JARID2: variants seen among roughly 807,000 people sequenced by gnomAD.
JARID2 encodes the protein protein Jumonji.
In JARID2, 21 loss-of-function variants were observed where a neutral mutation model predicts 125.6. That is an observed-to-expected ratio of 0.17 (90% confidence interval 0.12 to 0.24). JARID2 has a LOEUF of 0.24. Among genes scored for constraint, JARID2 ranks in the 10% least tolerant of loss-of-function variants. JARID2 has a pLI of 1.00. For synonymous variants in JARID2, 736 were observed against 661.6 expected, an observed-to-expected ratio of 1.11 and a Z score of -1.73; for missense variants, 1,303 against 1,639.6, an observed-to-expected ratio of 0.79 and a Z score of 3.55.
chr6:15,433,459 C>G (rs898686695), intron 3 of JARID2, among the ~76,000 whole-genome samples: 8 of 107,652 alleles, frequency 7.4e-5, no homozygotes, highest in Non-Finnish European at 1.6e-4. Context: ...TGTATAATTT[C>G]AGTTTAGGCA....
chr6:15,449,210 A>G (rs4712251), intron 3 of JARID2, among the ~76,000 whole-genome samples: 38,294 of 152,066 alleles, frequency 0.25, 4,961 homozygotes, highest in Middle Eastern at 0.35. Flanking sequence ...TCCCCATGAC[A>G]TAGAGATAGT....
At chr6:15,480,551 C>T (rs1769561112) in intron 5 of JARID2, among the ~76,000 whole-genome samples, 1 of 152,138 alleles carries the variant, frequency 6.6e-6, no homozygotes, top group African/African-American at 2.4e-5. Context: ...CGCTTGGAGA[C>T]AGGTAAAAGT....
intron 3 of JARID2, among the ~76,000 whole-genome samples, chr6:15,423,219 C>T (rs541804204): frequency 2.0e-5 from 3 of 152,120 alleles, no homozygotes; most frequent in East Asian, 3.9e-4. Flanking sequence ...AGGCTGGTCT[C>T]GAACTCCTGG....
At chr6:15,469,185 C>A (rs1315526361) in intron 5 of JARID2, among the ~76,000 whole-genome samples, 1 of 151,574 alleles carries the variant, frequency 6.6e-6, no homozygotes, top group East Asian at 1.9e-4. Context: ...AAGGCAGGAA[C>A]AATAGCTTGA....
chr6:15,279,673 G>A (rs902303155), intron 1 of JARID2, among the ~76,000 whole-genome samples: 2 of 152,068 alleles, frequency 1.3e-5, no homozygotes, highest in African/African-American at 4.8e-5. Context: ...TTATTAATTT[G>A]TACTTGTGTT....
At chr6:15,269,485 C>T (rs2127349475) in intron 1 of JARID2, among the ~76,000 whole-genome samples, 1 of 152,172 alleles carries the variant, frequency 6.6e-6, no homozygotes, top group South Asian at 2.1e-4. Context: ...CCTTCCCTGC[C>T]CCACCCCCTA....
intron 1 of JARID2, among the ~76,000 whole-genome samples, chr6:15,285,956 C>G (rs567541556): frequency 6.6e-5 from 10 of 152,316 alleles, no homozygotes; most frequent in African/African-American, 1.9e-4. Context: ...CCTGCAATTT[C>G]TGATGTATAA....
intron 1 of JARID2, among the ~76,000 whole-genome samples, chr6:15,253,170 T>G (rs1759522534): frequency 1.3e-5 from 2 of 152,008 alleles, no homozygotes; most frequent in Admixed American, 6.6e-5. Flanking sequence ...TTCAAGCTAT[T>G]CTCCCGCCTC....
intron 3 of JARID2, among the ~76,000 whole-genome samples, chr6:15,433,852 T>A (rs998693870): frequency 6.6e-6 from 1 of 152,064 alleles, no homozygotes; most frequent in Non-Finnish European, 1.5e-5. Context: ...TAATGCAATA[T>A]CCATCATACC....
At chr6:15,432,119 A>G (rs889425013) in intron 3 of JARID2, among the ~76,000 whole-genome samples, 1 of 151,640 alleles carries the variant, frequency 6.6e-6, no homozygotes, top group Non-Finnish European at 1.5e-5. Flanking sequence ...AAAAACACAG[A>G]TTTATTGAAA....
intron 2 of JARID2, among the ~76,000 whole-genome samples, chr6:15,404,529 A>G (rs1230350478): frequency 3.2e-3 from 82 of 25,286 alleles, no homozygotes; most frequent in Admixed American, 3.0e-3. Flanking sequence ...GCACACACAC[A>G]CACACACACA....
At chr6:15,256,709 C>G (rs1193573490) in intron 1 of JARID2, among the ~76,000 whole-genome samples, 1 of 152,182 alleles carries the variant, frequency 6.6e-6, no homozygotes, top group Non-Finnish European at 1.5e-5. Context: ...CCTGTTCACC[C>G]CGTCTGGCAG....
At chr6:15,419,389 ATAAAG>A (rs1766383869) in intron 3 of JARID2, among the ~76,000 whole-genome samples, 1 of 152,354 alleles carries the variant, frequency 6.6e-6, no homozygotes, top group African/African-American at 2.4e-5. Flanking sequence ...GGAAGTAAAT[ATAAAG>A]TAAATATGGG....
chr6:15,381,709 T>C (rs1764595408), intron 2 of JARID2, among the ~76,000 whole-genome samples: 1 of 152,246 alleles, frequency 6.6e-6, no homozygotes, highest in African/African-American at 2.4e-5. Context: ...GATTTTCATT[T>C]TGTAAGTGTT....
rs1581409243 is a variant in JARID2 at position 15,321,002 on chromosome 6, A to T, written c.46-53115A>T. Among the ~76,000 whole-genome samples, 6 of 152,100 alleles carry T rather than the reference A, an allele frequency of 3.9e-5. No individual in the cohort carries two copies. The South Asian group carries it at 1.2e-3, about 32-fold the overall frequency. On this transcript the variant is annotated intron_variant, in intron 1 of 17. Transcript: ENST00000341776. ...GTTAGAATTCAAATTTGGGGATGGG[A>T]GGCGGTGTATCATATGAATGATTTC...
At chr6:15,423,739 G>A (rs1456372715) in intron 3 of JARID2, among the ~76,000 whole-genome samples, 2 of 152,166 alleles carry the variant, frequency 1.3e-5, no homozygotes, top group Non-Finnish European at 2.9e-5. Flanking sequence ...CAGGATGCTG[G>A]AGAAGCTTGT....
rs189173854 is a variant in JARID2 at position 15,412,461 on chromosome 6, A to C, written c.323+2096A>C. On this transcript the variant is annotated intron_variant, in intron 3 of 17. Coordinates refer to ENST00000341776, the MANE Select transcript of JARID2 (RefSeq NM_004973.4). ...GTAGCTGGGATTACAGGCACACACC[A>C]CCATACCTGGCTAATTCTTGTATTT... Among the ~76,000 whole-genome samples the C allele has an allele frequency of 3.7e-3, 570 of 152,210 alleles. 1 individual carries two copies. The highest frequency in any genetic ancestry group is 5.9e-3 in the Non-Finnish European group (404 of 68,006).
At chr6:15,378,236 A>T (rs1764445701) in intron 2 of JARID2, among the ~76,000 whole-genome samples, 1 of 149,064 alleles carries the variant, frequency 6.7e-6, no homozygotes, top group Non-Finnish European at 1.5e-5. Context: ...AACCCAAAAG[A>T]TTCCTTTTCA....
intron 9 of JARID2, chr6:15,505,161 C>G (rs1770937271): frequency 6.6e-6 from 1 of 152,394 alleles, no homozygotes; most frequent in South Asian, 2.1e-4. Flanking sequence ...CTCCCCTCGG[C>G]CAGTGCCCAG....
Sources: gnomAD v4.1 joint callset for allele counts (sites outside exome capture counted in the v4.1 genomes callset) on GRCh38, gnomAD v4.1.1 for gene constraint, MANE v1.5 for transcripts, NCBI Gene and HGNC (gene_info 2026-07-23, HGNC 2026-07-21) for gene names.